The following CCDC7 variants were observed in gnomAD, a reference collection of about 807,000 sequenced individuals.
CCDC7 encodes the protein coiled-coil domain containing 7.
Under a neutral mutation model 196.9 loss-of-function variants are expected in CCDC7, and 183 were observed. The observed-to-expected ratio is 0.93, with a 90% CI of 0.82 to 1.05. The LOEUF (loss-of-function observed/expected upper bound fraction) is 1.05. CCDC7 is among the 50% of genes least tolerant of loss of function. CCDC7 has a pLI of 0.00. For synonymous variants in CCDC7, 525 were observed against 484.6 expected (o/e 1.08, Z -1.10); for missense variants, 1,540 against 1,482.2 (o/e 1.04, Z -0.64).
intron 29 of CCDC7, among the ~76,000 whole-genome samples, chr10:32,802,036 G>C (rs1441966549): frequency 6.6e-6 from 1 of 152,152 alleles, no homozygotes; most frequent in Non-Finnish European, 1.5e-5. Flanking sequence ...TGCATCTTTT[G>C]TTGCAGGTCA....
At chr10:32,673,653 A>ATATGTG (rs772678414) in intron 21 of CCDC7, among the ~76,000 whole-genome samples, 1 of 120,638 alleles carries the variant, frequency 8.3e-6, no homozygotes, top group East Asian at 2.4e-4. Flanking sequence ...ACCATTGTGC[A>ATATGTG]CGTGTGTGTG....
intron 13 of CCDC7, among the ~76,000 whole-genome samples, chr10:32,552,512 C>T (rs1473809292): frequency 6.6e-6 from 1 of 151,958 alleles, no homozygotes; most frequent in Admixed American, 6.6e-5. Context: ...TTTTATAGAT[C>T]CTGTGTGAAT....
chr10:32,701,492 T>C (rs1450910432), intron 24 of CCDC7, among the ~76,000 whole-genome samples: 4 of 152,196 alleles, frequency 2.6e-5, no homozygotes, highest in Non-Finnish European at 4.4e-5. Flanking sequence ...TTTGGTTGTG[T>C]GTCTGCCAGG....
chr10:32,827,424 G>A (rs1350280501), intron 32 of CCDC7, among the ~76,000 whole-genome samples: 3 of 152,186 alleles, frequency 2.0e-5, no homozygotes, highest in African/African-American at 4.8e-5. Context: ...CACTTACTCC[G>A]GATATGGGTT....
chr10:32,515,070 C>T (rs558528773), intron 9 of CCDC7, among the ~76,000 whole-genome samples: 1 of 152,298 alleles, frequency 6.6e-6, no homozygotes, highest in African/African-American at 2.4e-5. Flanking sequence ...AAGTGATCCT[C>T]CTGCCTTGGC....
intron 37 of CCDC7, among the ~76,000 whole-genome samples, chr10:32,847,160 C>T (rs1593399215): frequency 6.6e-6 from 1 of 152,150 alleles, no homozygotes; most frequent in African/African-American, 2.4e-5. Context: ...GCACTTCACA[C>T]TACAGGCAAG....
At chr10:32,451,586 T>C (rs1159993518), upstream of CCDC7, 6 of 1,520,166 alleles carry the variant, frequency 3.9e-6, no homozygotes, top group South Asian at 2.7e-5. Flanking sequence ...TTATTTTTTT[T>C]CACAGGGAGG....
intron 20 of CCDC7, among the ~76,000 whole-genome samples, chr10:32,663,006 C>T (rs1291286829): frequency 6.6e-6 from 1 of 152,050 alleles, no homozygotes; most frequent in African/African-American, 2.4e-5. Flanking sequence ...AGTCAGAGGC[C>T]GAATAGCAGC....
At chr10:32,859,660 G>T (rs919254145) in intron 41 of CCDC7, among the ~76,000 whole-genome samples, 5 of 151,682 alleles carry the variant, frequency 3.3e-5, no homozygotes, top group Non-Finnish European at 5.9e-5. Context: ...AAATAAATAG[G>T]CCACTAGCCA....
chr10:32,669,842 C>T (rs2140679962), intron 21 of CCDC7, among the ~76,000 whole-genome samples: 1 of 152,122 alleles, frequency 6.6e-6, no homozygotes, highest in Admixed American at 6.5e-5. Flanking sequence ...AATTTATTAA[C>T]TCATCATTTT....
At chr10:32,548,209 T>C (rs2052815011) in intron 13 of CCDC7, among the ~76,000 whole-genome samples, 1 of 152,186 alleles carries the variant, frequency 6.6e-6, no homozygotes, top group South Asian at 2.1e-4. Context: ...TAGCCCCTAC[T>C]GCTGTGTTAT....
intron 38 of CCDC7, 82 bp from the exon 40 acceptor site, chr10:32,848,514 A>G (rs1382770833): frequency 9.6e-7 from 1 of 1,040,422 alleles, no homozygotes; most frequent in Admixed American, 2.5e-5. Flanking sequence ...AGGCAGAAAT[A>G]AAGACAAATA....
intron 16 of CCDC7, among the ~76,000 whole-genome samples, chr10:32,579,642 G>A (rs912170635): frequency 6.6e-6 from 1 of 152,056 alleles, no homozygotes; most frequent in African/African-American, 2.4e-5. Context: ...AGGATGCAAA[G>A]CAAAATGAGC....
At chr10:32,845,798 C>CACAA in intron 35 of CCDC7, 78 bp from the exon 37 acceptor site, 2 of 685,592 alleles carry the variant, frequency 2.9e-6, no homozygotes, top group Non-Finnish European at 4.6e-6. Context: ...CACACACATA[C>CACAA]ACACACACAC....
At chr10:32,599,183 T>A (rs1450558125) in intron 18 of CCDC7, among the ~76,000 whole-genome samples, 1 of 152,208 alleles carries the variant, frequency 6.6e-6, no homozygotes, top group East Asian at 1.9e-4. Flanking sequence ...TTGTAACATT[T>A]CTTGGCTTAA....
intron 24 of CCDC7, among the ~76,000 whole-genome samples, chr10:32,706,915 T>C (rs1346673725): frequency 6.6e-6 from 1 of 152,226 alleles, no homozygotes; most frequent in Non-Finnish European, 1.5e-5. Flanking sequence ...ATACCATTCC[T>C]TGTGAAATTA....
chr10:32,486,834 G>A (rs1178214354), intron 8 of CCDC7, among the ~76,000 whole-genome samples: 1 of 151,418 alleles, frequency 6.6e-6, no homozygotes, highest in Non-Finnish European at 1.5e-5. Flanking sequence ...CTCTCTTCTG[G>A]CTTGTAGAGT....
intron 28 of CCDC7, among the ~76,000 whole-genome samples, chr10:32,733,230 C>T (rs2084285508): frequency 6.6e-6 from 1 of 152,020 alleles, no homozygotes; most frequent in Non-Finnish European, 1.5e-5. Context: ...TTTACATACT[C>T]AGTCTATAAC....
intron 28 of CCDC7, among the ~76,000 whole-genome samples, chr10:32,764,404 A>G (rs1161452729): frequency 6.6e-6 from 1 of 151,912 alleles, no homozygotes; most frequent in Non-Finnish European, 1.5e-5. Context: ...TGAAGATGAA[A>G]AGAACAAAGT....
Sources: allele counts gnomAD v4.1 joint callset (sites outside exome capture counted in the v4.1 genomes callset), GRCh38; gene constraint gnomAD v4.1.1; transcripts MANE v1.5; gene names NCBI Gene and HGNC (gene_info 2026-07-23, HGNC 2026-07-21).